Variants in RYR2 observed in about 807,000 individuals in gnomAD.
RYR2 encodes cardiac muscle ryanodine receptor-calcium release channel.
In RYR2, 227 loss-of-function variants were observed where a neutral mutation model predicts 601.1. The ratio of observed to expected loss-of-function variants is 0.38; its 90% CI spans 0.34 to 0.42. The LOEUF (loss-of-function observed/expected upper bound fraction) is 0.42, where lower values mean the gene tolerates loss of function less well. RYR2 is among the 10% of genes least tolerant of loss of function. RYR2 has a pLI of 1.00. For synonymous variants in RYR2, 2,223 were observed against 2,175.1 expected (o/e 1.02, Z -0.61); for missense variants, 4,646 against 6,156.5 (o/e 0.75, Z 8.21).
intron 1 of RYR2, among the ~76,000 whole-genome samples, chr1:237,093,840 G>C (rs1365337682): frequency 6.6e-6 from 1 of 152,212 alleles, no homozygotes; most frequent in Non-Finnish European, 1.5e-5. Context: ...GTTTCCTGGG[G>C]TTCTTCTCAC....
At chr1:237,265,494 G>A (rs2149328449) in intron 1 of RYR2, among the ~76,000 whole-genome samples, 1 of 151,782 alleles carries the variant, frequency 6.6e-6, no homozygotes, top group East Asian at 1.9e-4. Context: ...GCTAATTTTT[G>A]TATTTTTAGT....
intron 33 of RYR2, 67 bp from the exon 34 acceptor site, chr1:237,595,431 C>G: frequency 1.3e-6 from 2 of 1,567,484 alleles, no homozygotes; most frequent in Non-Finnish European, 1.7e-6. Flanking sequence ...AGTTAGTTTG[C>G]AAGATATACC....
intron 1 of RYR2, among the ~76,000 whole-genome samples, chr1:237,044,956 C>CTTCTT (rs755992320): frequency 1.4e-5 from 2 of 144,576 alleles, no homozygotes; most frequent in South Asian, 2.3e-4. Context: ...TCTTCTTCTT[C>CTTCTT]TTTTTTTTTT....
intron 1 of RYR2, among the ~76,000 whole-genome samples, chr1:237,212,700 T>C (rs1682719759): frequency 6.6e-6 from 1 of 152,224 alleles, no homozygotes; most frequent in South Asian, 2.1e-4. Flanking sequence ...AAAGTAATAA[T>C]ACTAATGTAC....
rs183665957 is a variant in RYR2, at chr1:237,476,269, G to A, written c.1708+7082G>A. On this transcript the variant is annotated intron_variant, in intron 17 of 104. Coordinates refer to ENST00000366574, the MANE Select transcript of RYR2 (RefSeq NM_001035.3). ...TCATGCCTGTAATCCCAGCACTTTG[G>A]GAGGCTGAGGTGGGTGGATCACCTG... 3.2e-4 allele frequency among the ~76,000 whole-genome samples: 48 copies of A among 152,176 alleles called. 1 individual carries two copies. Among genetic ancestry groups the A allele is most frequent in the Admixed American group, 1.6e-3 (24 of 15,286 alleles).
At chr1:237,304,863 A>G (rs1693718755) in intron 2 of RYR2, among the ~76,000 whole-genome samples, 1 of 152,242 alleles carries the variant, frequency 6.6e-6, no homozygotes, top group Non-Finnish European at 1.5e-5. Context: ...ATAGAGTATT[A>G]TGGTCAATCA....
At chr1:237,499,061 G>A (rs952115358) in intron 20 of RYR2, among the ~76,000 whole-genome samples, 2 of 152,092 alleles carry the variant, frequency 1.3e-5, no homozygotes, top group Admixed American at 6.6e-5. Flanking sequence ...CTTGGGGGTC[G>A]TTCTCCTGTT....
chr1:237,680,313 G>A lies in RYR2; in HGVS notation c.8896-143G>A, dbSNP rs75585385. On this transcript the variant is annotated intron_variant, in intron 61 of 104. Transcript: ENST00000366574. The stretch of plus-strand genomic sequence containing the variant: ...GGAGACGGTAGAGTGAGATTTAAGA[G>A]AGGCATACTATGACGTGCCTGGCAT... The A allele has an allele frequency of 1.7e-3, 968 of 572,688 alleles. 2 individuals carry two copies. The highest frequency in any genetic ancestry group is 0.015 in the African/African-American group (790 of 53,942). 35.5% of individuals were successfully genotyped at this position (572,688 alleles called of 1,614,324 possible). A position where few individuals can be genotyped will look rare whatever the true frequency, so the allele number is the denominator to read the frequency against.
chr1:237,149,315 A>AAAC (rs1022541503), intron 1 of RYR2, among the ~76,000 whole-genome samples: 4 of 152,112 alleles, frequency 2.6e-5, no homozygotes, highest in African/African-American at 9.7e-5. Flanking sequence ...ACAAAAACAA[A>AAAC]AACAAAAACA....
At chr1:237,468,855 T>C (rs960255308) in intron 16 of RYR2, among the ~76,000 whole-genome samples, 2 of 152,208 alleles carry the variant, frequency 1.3e-5, no homozygotes, top group Non-Finnish European at 2.9e-5. Flanking sequence ...AAATTCACTT[T>C]CCGAAATTAC....
chr1:237,137,160 G>A (rs1245651689), intron 1 of RYR2, among the ~76,000 whole-genome samples: 2 of 151,870 alleles, frequency 1.3e-5, no homozygotes, highest in African/African-American at 2.4e-5. Context: ...AACATGATTT[G>A]TGTGTATGTG....
intron 48 of RYR2, among the ~76,000 whole-genome samples, chr1:237,646,366 T>A (rs1682160069): frequency 6.6e-6 from 1 of 151,992 alleles, no homozygotes; most frequent in Non-Finnish European, 1.5e-5. Context: ...TTTTTACTGC[T>A]TTCCTTTTGT....
intron 20 of RYR2, 83 bp from the exon 21 acceptor site, chr1:237,500,628 T>C: frequency 8.2e-7 from 1 of 1,215,068 alleles, no homozygotes; most frequent in Non-Finnish European, 1.2e-6. Context: ...CACTACTTAT[T>C]CAAATCTTTT....
chr1:237,108,306 T>C (rs940098880), intron 1 of RYR2, among the ~76,000 whole-genome samples: 1 of 152,188 alleles, frequency 6.6e-6, no homozygotes, highest in Non-Finnish European at 1.5e-5. Flanking sequence ...TCCCCTTTCC[T>C]GCCCAGCTTC....
chr1:237,614,832 G>A lies in RYR2; in HGVS notation c.5704G>A (p.Val1902Ile). The A allele has an allele frequency of 2.6e-6, 4 of 1,567,956 alleles. No homozygotes were observed. The highest frequency in any genetic ancestry group is 3.4e-6 in the Non-Finnish European group (4 of 1,159,454). ...GLLQMKLPEPVKLQMCLLLQY... is the reference protein window; with the variant it reads ...GLLQMKLPEPIKLQMCLLLQY... Reference sequence around the variant, plus strand: ...GCTCCAAATGAAACTGCCAGAGCCAGTTAAATTGCAGGTAATCAGAACAAG... The same window carrying A: ...GCTCCAAATGAAACTGCCAGAGCCAATTAAATTGCAGGTAATCAGAACAAG... The change falls in exon 37 of 105, where the codon GTT becomes ATT. Residue 1902 changes from valine to isoleucine, a missense_variant. Physicochemically the swap from Val to Ile is conservative, Grantham distance 29 (BLOSUM62 3). Transcript: ENST00000366574. This position sits in a 1 kb window ranked among gnomAD's most constrained non-coding sequence, Gnocchi z 4.3.
chr1:237,200,437 G>A (rs763432156), intron 1 of RYR2, among the ~76,000 whole-genome samples: 20 of 152,052 alleles, frequency 1.3e-4, no homozygotes, highest in Non-Finnish European at 2.6e-4. Flanking sequence ...GCTAACTTTT[G>A]TATTTTTAGT....
intron 61 of RYR2, among the ~76,000 whole-genome samples, chr1:237,679,031 C>G (rs1456739322): frequency 1.3e-5 from 2 of 152,108 alleles, no homozygotes; most frequent in Non-Finnish European, 2.9e-5. Flanking sequence ...TTTCTGTTGT[C>G]TTTTCTTCCC....
intron 4 of RYR2, among the ~76,000 whole-genome samples, chr1:237,360,475 T>C (rs1225610593): frequency 1.3e-5 from 2 of 152,164 alleles, no homozygotes; most frequent in African/African-American, 2.4e-5. Context: ...ATCGGAATCA[T>C]TTATTTTTCT....
intron 18 of RYR2, 119 bp from the exon 19 acceptor site, chr1:237,492,835 G>A (rs1428677176): frequency 4.4e-5 from 37 of 840,972 alleles, no homozygotes; most frequent in Non-Finnish European, 6.1e-5. Context: ...AAGGAAGGAA[G>A]GAAGGAAGGA....
Sources: allele counts gnomAD v4.1 joint callset (sites outside exome capture counted in the v4.1 genomes callset), GRCh38; gene constraint gnomAD v4.1.1; non-coding constraint Gnocchi (gnomAD v3.1); transcripts MANE v1.5; gene names NCBI Gene and HGNC (gene_info 2026-07-23, HGNC 2026-07-21).